EPHA1: variants seen among roughly 807,000 people sequenced by gnomAD.
EPHA1 encodes the protein ephrin type-A receptor 1.
Under a neutral mutation model 110.1 loss-of-function variants are expected in EPHA1, and 92 were observed. The observed-to-expected ratio is 0.84, with a 90% CI of 0.71 to 0.99. The LOEUF (loss-of-function observed/expected upper bound fraction) is 0.99, where lower values mean the gene tolerates loss of function less well. Ranked by LOEUF, EPHA1 falls within the 50% of genes least tolerant of loss-of-function variation. The pLI, the probability that EPHA1 is intolerant of heterozygous loss-of-function variation, is 0.00. For missense variants in EPHA1, 1,204 were observed against 1,285.4 expected, an observed-to-expected ratio of 0.94 and a Z score of 0.97; for synonymous variants, 500 against 516.1, an observed-to-expected ratio of 0.97 and a Z score of 0.42.
intron 1 of EPHA1, 148 bp from the exon 2 acceptor site, chr7:143,407,826 C>A: frequency 1.5e-6 from 1 of 650,660 alleles, no homozygotes; most frequent in South Asian, 2.0e-5. Flanking sequence ...AGAAAAAGGG[C>A]TCAGGACTGA....
At chr7:143,394,409 T>G (rs944303961) in intron 14 of EPHA1, 66 bp from the exon 15 acceptor site, 2 of 1,504,180 alleles carry the variant, frequency 1.3e-6, no homozygotes, top group African/African-American at 1.4e-5. Context: ...TCTTTCTGCT[T>G]CTTTTATTGT....
In EPHA1 at chr7:143,398,069, T is replaced by A; in HGVS notation, c.1466A>T (p.Asp489Val). ...TAGAACCATCTGGTACCGTTCTTCATCCTGTGGGTTGGAGTTGCATTAAGT... is the reference window on the plus strand; with the variant it reads ...TAGAACCATCTGGTACCGTTCTTCAACCTGTGGGTTGGAGTTGCATTAAGT... ...LTYELHVLNQ[D>V]EERYQMVLEP... The change falls in exon 8 of 18, where the codon GAT becomes GTT. Residue 489 changes from aspartate to valine, a missense_variant and splice_region_variant. Physicochemically the swap from Asp to Val is radical, Grantham distance 152. Coordinates refer to ENST00000275815, the MANE Select transcript of EPHA1 (RefSeq NM_005232.5). 1 of 1,614,010 alleles carries A rather than the reference T, an allele frequency of 6.2e-7. No homozygotes were observed. The highest frequency in any genetic ancestry group is 2.2e-5 in the East Asian group (1 of 44,880).
rs1200116452 is a variant in EPHA1 at position 143,401,698 on chromosome 7, G to A, written c.151-93C>T. 2 of 1,486,302 alleles carry A rather than the reference G, an allele frequency of 1.3e-6. No homozygotes were observed. Among genetic ancestry groups the A allele is most frequent in the South Asian group, 1.3e-5 (1 of 78,612 alleles). 92.1% of individuals were successfully genotyped at this position (1,486,302 alleles called of 1,614,324 possible). On this transcript the variant is annotated intron_variant, in intron 2 of 17. Coordinates refer to ENST00000275815, the MANE Select transcript of EPHA1 (RefSeq NM_005232.5). This position sits in a 1 kb window ranked among gnomAD's most constrained non-coding sequence, Gnocchi z 4.1. ...CTGATGGAGAAGCAGCTGTGTCAGA[G>A]CCCCTCAGGTTTATGCTACTTGTTC...
intron 5 of EPHA1, 131 bp downstream of exon 5, chr7:143,399,127 G>A (rs755174858): frequency 5.8e-5 from 75 of 1,302,610 alleles, no homozygotes; most frequent in Non-Finnish European, 7.0e-5. Context: ...CCAGGGCAGG[G>A]GCTAAAAGTG....
intron 2 of EPHA1, among the ~76,000 whole-genome samples, chr7:143,407,324 C>T (rs965505950): frequency 2.0e-5 from 3 of 152,114 alleles, no homozygotes; most frequent in African/African-American, 4.8e-5. Context: ...ATTCTCTCCC[C>T]GGGTATGTGA....
At position 143,400,822 on chromosome 7, in the gene EPHA1, A is replaced by C. The variant is rs544460769; in HGVS notation, c.432+502T>G. 7 of 163,582 alleles carry C rather than the reference A, an allele frequency of 4.3e-5. No individual in the cohort carries two copies. In the East Asian group the frequency reaches 1.3e-3, roughly 30 times the overall value. The allele number at this position is 163,582 out of a possible 1,614,324, so 10.1% of individuals were successfully genotyped here. ...TAGGCAACAAAAGCTGGAGAGGTTA[A>C]ATGACACCCCCAAAGTCACGGCACA... On this transcript the variant is annotated intron_variant, in intron 3 of 17. Transcript: ENST00000275815.
At position 143,395,696 on chromosome 7, in the gene EPHA1, G is replaced by C; in HGVS notation, c.1898-192C>G. ...GTCTGGAGCTGGAGTGCAATGCCGT[G>C]ACCTATTCACCACTGTCTCCCAGTG... On this transcript the variant is annotated intron_variant, in intron 11 of 17. Coordinates refer to ENST00000275815, the MANE Select transcript of EPHA1 (RefSeq NM_005232.5). The surrounding 1 kb of genome is among the most constrained non-coding windows in gnomAD (Gnocchi z 4.7). 1.6e-6 allele frequency: 1 copy of C among 621,076 alleles called. No individual in the cohort carries two copies. The highest frequency in any genetic ancestry group is 2.8e-6 in the Non-Finnish European group (1 of 357,886). 38.5% of individuals were successfully genotyped at this position (621,076 alleles called of 1,614,324 possible). A position where few individuals can be genotyped will look rare whatever the true frequency, so the allele number is the denominator to read the frequency against.
chr7:143,399,678 C>T lies in EPHA1; in HGVS notation c.808G>A (p.Glu270Lys), dbSNP rs745331095. The T allele has an allele frequency of 1.2e-6, 2 of 1,613,582 alleles. No homozygotes were observed. The highest frequency in any genetic ancestry group is 1.7e-5 in the Admixed American group (1 of 60,004). The change falls in exon 4 of 18, where the codon GAA (glutamate) becomes AAA (lysine). Residue 270 changes from glutamate to lysine, a missense_variant. Physicochemically the swap from Glu to Lys is moderately conservative, Grantham distance 56. Coordinates refer to ENST00000275815, the MANE Select transcript of EPHA1 (RefSeq NM_005232.5). ...GRCHCEPGYE[E>K]GGSGEACVAC... ...ACACATGCTTCGCCACTGCCACCTT[C>T]CTCATAGCCAGGCTCACAGTGGCAC...
Position 143,391,683 on chromosome 7 carries a change from T to C in EPHA1, c.2789A>G (p.Tyr930Cys). The C allele has an allele frequency of 1.9e-6, 3 of 1,614,068 alleles. No individual in the cohort carries two copies. The highest frequency in any genetic ancestry group is 2.2e-5 in the East Asian group (1 of 44,874). ...EWLESIRMKR[Y>C]ILHFHSAGLD... ...CCCAGCCGAGTGGAAGTGCAGGATG[T>C]AGCGTTTCATGCGTATGGACTCGAG... Residue 930 changes from tyrosine (Y) to cysteine (C), a missense_variant, in exon 17 of 18, where the codon TAC (tyrosine) becomes TGC (cysteine). Tyr to Cys is a radical substitution (Grantham distance 194, BLOSUM62 -2). Transcript: ENST00000275815.
intron 14 of EPHA1, 66 bp downstream of exon 14, chr7:143,394,742 G>A (rs958437355): frequency 6.3e-7 from 1 of 1,580,332 alleles, no homozygotes; most frequent in Non-Finnish European, 8.6e-7. Context: ...CTATATACAT[G>A]TGACTGTATG....
chr7:143,393,989 G>A lies in EPHA1; in HGVS notation c.2503-125C>T, dbSNP rs1239658289. The A allele has an allele frequency of 4.6e-6, 6 of 1,293,010 alleles. No individual in the cohort carries two copies. In the East Asian group the frequency reaches 1.4e-4, roughly 30 times the overall value. 80.1% of individuals were successfully genotyped at this position (1,293,010 alleles called of 1,614,324 possible). A position where few individuals can be genotyped will look rare whatever the true frequency, so the allele number is the denominator to read the frequency against. ...GATGGGAGGAGGTGGGAGGACCAGG[G>A]TGGGACGATCACAGTGGGAGGATCA... On this transcript the variant is annotated intron_variant, in intron 15 of 17. Transcript: ENST00000275815. This position sits in a 1 kb window ranked among gnomAD's most constrained non-coding sequence, Gnocchi z 5.6.
chr7:143,394,743 T>C, intron 14 of EPHA1, 65 bp downstream of exon 14: 2 of 1,581,944 alleles, frequency 1.3e-6, no homozygotes, highest in Non-Finnish European at 1.7e-6. Context: ...TATATACATG[T>C]GACTGTATGA....
intron 16 of EPHA1, among the ~76,000 whole-genome samples, chr7:143,392,336 A>G (rs1037001183): frequency 2.6e-5 from 4 of 152,244 alleles, no homozygotes; most frequent in African/African-American, 7.2e-5. Flanking sequence ...TGGGGGAAAA[A>G]ATATCCAGCA....
chr7:143,397,331 G>T lies in EPHA1; in HGVS notation c.1744C>A (p.Arg582Ser). 1 of 1,549,494 alleles carries T rather than the reference G, an allele frequency of 6.5e-7. No individual in the cohort carries two copies. Among genetic ancestry groups the T allele is most frequent in the Non-Finnish European group, 8.7e-7 (1 of 1,146,838 alleles). ...RAQRQRQQRQ[R>S]DRATDVDRED... ...CGATCCACATCGGTGGCGCGGTCAC[G>T]CTGCCTCTGCTGCCTCTGCCGCTGG... The change falls in exon 10 of 18, where the codon CGT (arginine) becomes AGT (serine). Residue 582 changes from arginine to serine, a missense_variant. Physicochemically the swap from Arg to Ser is moderately radical, Grantham distance 110 (BLOSUM62 -1). Transcript: ENST00000275815.
At chr7:143,402,805 C>T (rs1805457777) in intron 2 of EPHA1, among the ~76,000 whole-genome samples, 1 of 152,170 alleles carries the variant, frequency 6.6e-6, no homozygotes, top group Non-Finnish European at 1.5e-5. Flanking sequence ...CTCCAGGTTC[C>T]AGAATTCATG....
chr7:143,394,421 TTTTTA>T, intron 14 of EPHA1, 78 bp from the exon 15 acceptor site: 5 of 1,474,534 alleles, frequency 3.4e-6, no homozygotes, highest in South Asian at 1.3e-5. Context: ...TTTTATTGTA[TTTTTA>T]TTTTATTTTT....
rs199888663 is a variant in EPHA1 at position 143,398,683 on chromosome 7, A to C, written c.1254T>G (p.Asn418Lys). 1.1e-5 allele frequency: 17 copies of C among 1,614,030 alleles called. No individual in the cohort carries two copies. In the East Asian group the frequency reaches 3.3e-4, roughly 32 times the overall value. Residue 418 changes from asparagine to lysine, a missense_variant, in exon 6 of 18, where the codon AAT (asparagine) becomes AAG (lysine). By Grantham distance (94) the Asn-to-Lys change is moderately conservative. Coordinates refer to ENST00000275815, the MANE Select transcript of EPHA1 (RefSeq NM_005232.5). ...GLEPYANYTF[N>K]VEAQNGVSGL... ...CTGACACTCCATTTTGGGCTTCCAC[A>C]TTAAAGGTGTAGTTGGCATAAGGTT...
At position 143,401,540 on chromosome 7, in the gene EPHA1, T is replaced by G. The variant is rs1805420933; in HGVS notation, c.216A>C (p.Gln72His). Residue 72 changes from glutamine to histidine, a missense_variant, in exon 3 of 18, where the codon CAA (glutamine) becomes CAC (histidine). Physicochemically the swap from Gln to His is conservative, Grantham distance 24 (BLOSUM62 0). Coordinates refer to ENST00000275815, the MANE Select transcript of EPHA1 (RefSeq NM_005232.5). This position sits in a 1 kb window ranked among gnomAD's most constrained non-coding sequence, Gnocchi z 4.1. Reference sequence around the variant, plus strand: ...GCCAGTGGTCAGTGTCTCTGCGTCCTTGCATTGGGCAGTCCTGGTACATGT... The same window carrying G: ...GCCAGTGGTCAGTGTCTCTGCGTCCGTGCATTGGGCAGTCCTGGTACATGT... The part of the protein sequence containing the change: ...PLYMYQDCPM[Q>H]GRRDTDHWLR... The G allele has an allele frequency of 6.8e-6, 11 of 1,614,030 alleles. No individual in the cohort carries two copies. Among genetic ancestry groups the G allele is most frequent in the Non-Finnish European group, 9.3e-6 (11 of 1,180,038 alleles).
In EPHA1 at chr7:143,395,487, A is replaced by G; in HGVS notation, c.1915T>C (p.Tyr639His). 6.2e-7 allele frequency: 1 copy of G among 1,614,074 alleles called. No individual in the cohort carries two copies. The highest frequency in any genetic ancestry group is 8.5e-7 in the Non-Finnish European group (1 of 1,180,020). ...VIGEGEFGEV[Y>H]RGTLRLPSQD... is the part of the protein sequence containing the mutation. ...CTGGGGAGCCTCAGGGTCCCTCGAT[A>G]CACTTCCCCAAACTCTCCTGGGTAG... Residue 639 changes from tyrosine to histidine, a missense_variant, in exon 12 of 18, where the codon TAT becomes CAT. Coordinates refer to ENST00000275815, the MANE Select transcript of EPHA1 (RefSeq NM_005232.5). This position sits in a 1 kb window ranked among gnomAD's most constrained non-coding sequence, Gnocchi z 4.7.
Sources: gnomAD v4.1 joint callset for allele counts (sites outside exome capture counted in the v4.1 genomes callset) on GRCh38, gnomAD v4.1.1 for gene constraint, Gnocchi (gnomAD v3.1) non-coding constraint, MANE v1.5 for transcripts, NCBI Gene and HGNC (gene_info 2026-07-23, HGNC 2026-07-21) for gene names.